PMS2: variants seen among roughly 807,000 people sequenced by gnomAD.
The protein encoded by PMS2 is PMS1 homolog 2, mismatch repair system component.
Under a neutral mutation model 90.0 loss-of-function variants are expected in PMS2, and 69 were observed. That is an observed-to-expected ratio of 0.77 (90% CI 0.63 to 0.94). The LOEUF (loss-of-function observed/expected upper bound fraction) is 0.94. Among genes scored for constraint, PMS2 ranks in the 40% least tolerant of loss-of-function variants. The probability of loss-of-function intolerance (pLI) is 0.00; values close to 1 mark genes in which losing one functional copy is unlikely to be tolerated. For synonymous variants in PMS2, 332 were observed against 375.1 expected (o/e 0.89, Z 1.33); for missense variants, 966 against 1,040.2 (o/e 0.93, Z 0.98).
At chr7:5,977,350 C>T (rs1234570677) in intron 14 of PMS2, among the ~76,000 whole-genome samples, 3 of 147,436 alleles carry the variant, frequency 2.0e-5, no homozygotes, top group Admixed American at 6.9e-5. Context: ...CCACCATGCC[C>T]GGCCAAGAAT....
At chr7:6,001,224 G>C (rs1785054920) in intron 5 of PMS2, among the ~76,000 whole-genome samples, 1 of 152,016 alleles carries the variant, frequency 6.6e-6, no homozygotes, top group Non-Finnish European at 1.5e-5. Flanking sequence ...TTGTTGTTTT[G>C]TTTTCACAAA....
chr7:6,006,964 T>G (rs534569890), intron 1 of PMS2, among the ~76,000 whole-genome samples: 3 of 152,298 alleles, frequency 2.0e-5, no homozygotes, highest in African/African-American at 7.2e-5. Flanking sequence ...ATAATTTTTC[T>G]GCTTAAAAAT....
chr7:5,985,419 A>C (rs1268299352), intron 11 of PMS2, among the ~76,000 whole-genome samples: 1 of 151,450 alleles, frequency 6.6e-6, no homozygotes, highest in African/African-American at 2.4e-5. Context: ...AGGAGGAAAA[A>C]TGTATAATAA....
chr7:5,977,877 T>C (rs1276016153), intron 13 of PMS2, 120 bp from the exon 14 acceptor site: 8 of 1,486,266 alleles, frequency 5.4e-6, no homozygotes, highest in Admixed American at 5.2e-5. Flanking sequence ...CCCTGCACTT[T>C]GGGAGGCTGA....
At chr7:6,000,760 G>T (rs1437044574) in intron 5 of PMS2, among the ~76,000 whole-genome samples, 1 of 152,174 alleles carries the variant, frequency 6.6e-6, no homozygotes, top group Admixed American at 6.6e-5. Flanking sequence ...GGAGGCTGAG[G>T]CAGGTGGATC....
At chr7:5,990,784 C>T (rs987740036) in intron 9 of PMS2, among the ~76,000 whole-genome samples, 5 of 152,080 alleles carry the variant, frequency 3.3e-5, no homozygotes, top group East Asian at 1.9e-4. Flanking sequence ...GAGGCTGAGA[C>T]GAACAGATAA....
At chr7:6,007,646 G>T (rs1033499479) in intron 1 of PMS2, among the ~76,000 whole-genome samples, 1 of 152,076 alleles carries the variant, frequency 6.6e-6, no homozygotes. Flanking sequence ...AAATCACTGG[G>T]TATTTCCTAC....
chr7:5,989,105 C>A (rs1783429216), intron 10 of PMS2, among the ~76,000 whole-genome samples: 1 of 152,142 alleles, frequency 6.6e-6, no homozygotes, highest in Admixed American at 6.6e-5. Flanking sequence ...CCGCCTTGGC[C>A]TCCCAAAGTA....
intron 2 of PMS2, 37 bp from the exon 3 acceptor site, chr7:6,004,095 C>T (rs767206047): frequency 5.5e-5 from 62 of 1,121,718 alleles, no homozygotes; most frequent in East Asian, 4.7e-4. Context: ...TTATTAAAAA[C>T]GGACCCATGC....
In PMS2 at chr7:6,008,986, G is replaced by GC. The variant is rs753962387; in HGVS notation, c.23+10dup. The GC allele has an allele frequency of 1.9e-6, 3 of 1,612,648 alleles. No individual in the cohort carries two copies. In the South Asian group the frequency reaches 3.3e-5, roughly 18 times the overall value. Reference sequence around the variant, plus strand: ...GAGAGGGGACACCGGAAGACTGCGAGCCCCGCTCACCTCGAGCTCTCAGCT... The same window carrying GC: ...GAGAGGGGACACCGGAAGACTGCGAGCCCCCGCTCACCTCGAGCTCTCAGCT... On this transcript the variant is annotated intron_variant, in intron 1 of 14. Transcript: ENST00000265849.
chr7:6,004,825 T>A (rs1348893165), intron 2 of PMS2, among the ~76,000 whole-genome samples: 2 of 152,208 alleles, frequency 1.3e-5, no homozygotes, highest in African/African-American at 4.8e-5. Flanking sequence ...AATTTCCTCA[T>A]TTGTAAAATA....
Position 6,002,592 on chromosome 7 carries a change from G to A in PMS2, c.398C>T (p.Thr133Ile), listed in dbSNP as rs1064794097. The A allele has an allele frequency of 6.2e-7, 1 of 1,611,950 alleles. No homozygotes were observed. The stretch of plus-strand genomic sequence containing the variant: ...CCCATTGTGATCAAACATCAGTCGA[G>A]TTCCAACCTTCGCCGATGCGTGGCA... ...STCHASAKVG[T>I]RLMFDHNGKI... The change falls in exon 5 of 15, where the codon ACT (threonine) becomes ATT (isoleucine). Residue 133 changes from threonine to isoleucine, a missense_variant. This residue lies in a region of PMS2 where 871 missense variants were observed against 802.4 expected (regional missense o/e 1.09). Transcript: ENST00000265849.
At chr7:5,976,050 C>A (rs1471240597) in intron 14 of PMS2, among the ~76,000 whole-genome samples, 4 of 144,840 alleles carry the variant, frequency 2.8e-5, no homozygotes, top group African/African-American at 9.8e-5. Flanking sequence ...ACCAGCCTGA[C>A]CAACATGGTG....
intron 1 of PMS2, among the ~76,000 whole-genome samples, chr7:6,007,167 G>A (rs1311748290): frequency 6.6e-6 from 1 of 151,786 alleles, no homozygotes; most frequent in Non-Finnish European, 1.5e-5. Context: ...CTATGCTAGA[G>A]GGCAATGGCA....
At chr7:5,991,836 C>T (rs1340454264) in intron 9 of PMS2, 137 bp downstream of exon 9, 5 of 637,096 alleles carry the variant, frequency 7.8e-6, no homozygotes, top group Non-Finnish European at 1.4e-5. Flanking sequence ...AAGACCCCGT[C>T]TCAAAAAAAA....
At chr7:5,998,228 C>A (rs565192406) in intron 6 of PMS2, among the ~76,000 whole-genome samples, 1 of 151,370 alleles carries the variant, frequency 6.6e-6, no homozygotes, top group South Asian at 2.1e-4. Flanking sequence ...ATTACAGGTG[C>A]CTGCCACCAC....
At chr7:5,999,652 C>T (rs760438601) in intron 5 of PMS2, among the ~76,000 whole-genome samples, 31 of 151,894 alleles carry the variant, frequency 2.0e-4, no homozygotes, top group Non-Finnish European at 8.8e-5. Flanking sequence ...AAAAATTAGC[C>T]GGGCGTCATG....
intron 6 of PMS2, 90 bp downstream of exon 6, chr7:5,999,018 T>C (rs1784771071): frequency 7.6e-7 from 1 of 1,322,770 alleles, no homozygotes; most frequent in South Asian, 1.2e-5. Context: ...AATTCTAAGA[T>C]TTTATTCTCC....
At chr7:6,008,680 C>G (rs1786173723) in intron 1 of PMS2, among the ~76,000 whole-genome samples, 1 of 152,206 alleles carries the variant, frequency 6.6e-6, no homozygotes, top group Non-Finnish European at 1.5e-5. Context: ...ATGGGGATTT[C>G]ACGCTCCCGC....
Sources: allele counts gnomAD v4.1 joint callset (sites outside exome capture counted in the v4.1 genomes callset), GRCh38; gene constraint gnomAD v4.1.1; regional missense constraint gnomAD v4.1.1; transcripts MANE v1.5; gene names NCBI Gene and HGNC (gene_info 2026-07-23, HGNC 2026-07-21).